WDPCP: variants seen among roughly 807,000 people sequenced by gnomAD.
WDPCP encodes the protein WD repeat-containing and planar cell polarity effector protein fritz homolog.
WDPCP carries 71 observed loss-of-function variants against 93.1 expected under a neutral mutation model. The observed-to-expected ratio is 0.76, with a 90% CI of 0.63 to 0.93. The LOEUF (loss-of-function observed/expected upper bound fraction) is 0.93. Ranked by LOEUF, WDPCP falls within the 40% of genes least tolerant of loss-of-function variation. The probability of loss-of-function intolerance (pLI) is 0.00; values close to 1 mark genes in which losing one functional copy is unlikely to be tolerated. For missense variants in WDPCP, 844 were observed against 887.4 expected (o/e 0.95, Z 0.62); for synonymous variants, 315 against 315.0 (o/e 1.00, Z 0.00).
intron 17 of WDPCP, among the ~76,000 whole-genome samples, chr2:63,148,286 C>G (rs1404916981): frequency 6.6e-6 from 1 of 152,056 alleles, no homozygotes; most frequent in Non-Finnish European, 1.5e-5. Flanking sequence ...GTGATCACAC[C>G]ACTGCACTCC....
intron 17 of WDPCP, among the ~76,000 whole-genome samples, chr2:63,127,924 A>G (rs1436713387): frequency 2.0e-5 from 3 of 151,984 alleles, no homozygotes; most frequent in African/African-American, 7.3e-5. Flanking sequence ...GGATCACTTC[A>G]GGTCAGAAGT....
intron 1 of WDPCP, among the ~76,000 whole-genome samples, chr2:63,558,935 T>C (rs914098004): frequency 6.6e-6 from 1 of 152,168 alleles, no homozygotes; most frequent in Non-Finnish European, 1.5e-5. Flanking sequence ...CATTTTATGA[T>C]GCCAGCATCA....
rs149739029 is a variant in WDPCP at position 63,235,697 on chromosome 2, C to A, written c.1915+23610G>T. ...TGGGATGCAAGGTTGGTTCAACATA[C>A]GCAAATCAATAAATGTGATTCACCA... On this transcript the variant is annotated intron_variant, in intron 14 of 17. Coordinates refer to ENST00000272321, the MANE Select transcript of WDPCP (RefSeq NM_015910.7). 1.1e-4 allele frequency among the ~76,000 whole-genome samples: 16 copies of A among 152,074 alleles called. No homozygotes were observed. The South Asian group carries it at 3.1e-3, about 30-fold the overall frequency.
chr2:63,162,443 A>G (rs1672706921), intron 15 of WDPCP, among the ~76,000 whole-genome samples: 1 of 152,040 alleles, frequency 6.6e-6, no homozygotes, highest in Admixed American at 6.6e-5. Flanking sequence ...TTTTTGCAAG[A>G]TTTTTAGTTG....
intron 17 of WDPCP, among the ~76,000 whole-genome samples, chr2:63,149,484 T>G (rs555800911): frequency 9.8e-5 from 15 of 152,344 alleles, no homozygotes; most frequent in South Asian, 2.1e-4. Flanking sequence ...AGATGTGTAT[T>G]GCCTGTGACC....
chr2:63,603,054 G>A (rs1402611491), intron 3 of WDPCP, among the ~76,000 whole-genome samples: 1 of 150,296 alleles, frequency 6.7e-6, no homozygotes, highest in Non-Finnish European at 1.5e-5. Flanking sequence ...CCGCCTCCCA[G>A]GTTCAAGAGA....
At chr2:63,583,140 T>C (rs1051771932) in intron 1 of WDPCP, among the ~76,000 whole-genome samples, 1 of 152,142 alleles carries the variant, frequency 6.6e-6, no homozygotes, top group African/African-American at 2.4e-5. Context: ...TGGAAGTAAA[T>C]TATTGGCAGG....
At chr2:63,324,309 G>A (rs934943484) in intron 12 of WDPCP, among the ~76,000 whole-genome samples, 3 of 152,040 alleles carry the variant, frequency 2.0e-5, no homozygotes, top group Non-Finnish European at 4.4e-5. Flanking sequence ...GCCTCCCTAT[G>A]GCTCCCCCTC....
chr2:63,431,294 T>C (rs529426971), intron 9 of WDPCP, among the ~76,000 whole-genome samples: 15 of 152,274 alleles, frequency 9.9e-5, no homozygotes, highest in Non-Finnish European at 1.8e-4. Flanking sequence ...TGGGCCTCTT[T>C]TAAAAGCTCT....
intron 14 of WDPCP, among the ~76,000 whole-genome samples, chr2:63,239,593 T>G (rs939415736): frequency 6.6e-6 from 1 of 152,314 alleles, no homozygotes; most frequent in Non-Finnish European, 1.5e-5. Flanking sequence ...TTGATATAAA[T>G]TCTGACATAC....
At chr2:63,344,281 G>A (rs2104485343) in intron 12 of WDPCP, among the ~76,000 whole-genome samples, 1 of 152,172 alleles carries the variant, frequency 6.6e-6, no homozygotes, top group Non-Finnish European at 1.5e-5. Flanking sequence ...CATTATCTCT[G>A]TCATTAGCTG....
intron 2 of WDPCP, among the ~76,000 whole-genome samples, chr2:63,713,765 T>G (rs1487705471): frequency 6.6e-6 from 1 of 152,232 alleles, no homozygotes; most frequent in Non-Finnish European, 1.5e-5. Flanking sequence ...CTCATCAGAA[T>G]TGGCTTCTTC....
chr2:63,654,264 A>C (rs1325730957), intron 2 of WDPCP, among the ~76,000 whole-genome samples: 1 of 152,208 alleles, frequency 6.6e-6, no homozygotes, highest in Non-Finnish European at 1.5e-5. Flanking sequence ...GACAATAAAA[A>C]TAATCTAAAA....
At chr2:63,395,143 T>C (rs977202335) in intron 10 of WDPCP, among the ~76,000 whole-genome samples, 4 of 152,208 alleles carry the variant, frequency 2.6e-5, no homozygotes, top group Admixed American at 2.6e-4. Flanking sequence ...AGAATAATGC[T>C]GAGCAAAAGT....
chr2:63,273,665 T>G (rs1682837018), intron 13 of WDPCP, among the ~76,000 whole-genome samples: 1 of 151,942 alleles, frequency 6.6e-6, no homozygotes, highest in Non-Finnish European at 1.5e-5. Context: ...CAACAATGAA[T>G]AGGAGTAACT....
intron 2 of WDPCP, among the ~76,000 whole-genome samples, chr2:63,733,512 T>A (rs1288404103): frequency 1.3e-5 from 2 of 152,182 alleles, no homozygotes; most frequent in Admixed American, 1.3e-4. Flanking sequence ...GCCAAATAAA[T>A]GATTTTATCT....
At chr2:63,597,434 A>G (rs2106611562) in intron 3 of WDPCP, 2 of 1,455,790 alleles carry the variant, frequency 1.4e-6, no homozygotes, top group East Asian at 2.6e-5. Context: ...CGTTGCCTTC[A>G]AAGACCTGGA....
intron 2 of WDPCP, among the ~76,000 whole-genome samples, chr2:63,670,139 G>A (rs1710326993): frequency 6.6e-6 from 1 of 152,182 alleles, no homozygotes; most frequent in East Asian, 1.9e-4. Context: ...TGATAAAATG[G>A]AACATTTGCA....
chr2:63,592,108 C>T (rs1266350886), upstream of WDPCP, among the ~76,000 whole-genome samples: 1 of 152,134 alleles, frequency 6.6e-6, no homozygotes, highest in Non-Finnish European at 1.5e-5. Context: ...GTTTCCTTCA[C>T]GTGATTCACC....
Sources: gnomAD v4.1 joint callset for allele counts (sites outside exome capture counted in the v4.1 genomes callset) on GRCh38, gnomAD v4.1.1 for gene constraint, MANE v1.5 for transcripts, NCBI Gene and HGNC (gene_info 2026-07-23, HGNC 2026-07-21) for gene names.